IPMK: variants seen among roughly 807,000 people sequenced by gnomAD.
IPMK encodes inositol 1,3,4,6-tetrakisphosphate 5-kinase.
In IPMK, 17 loss-of-function variants were observed where a neutral mutation model predicts 45.8. The ratio of observed to expected loss-of-function variants is 0.37; its 90% CI spans 0.25 to 0.56. IPMK has a LOEUF of 0.56. Among genes scored for constraint, IPMK ranks in the 20% least tolerant of loss-of-function variants. The pLI is 0.79. For missense variants in IPMK, 399 were observed against 498.0 expected (o/e 0.80, Z 1.89); for synonymous variants, 180 against 184.3 (o/e 0.98, Z 0.19).
rs574403627 is a variant in IPMK at position 58,229,562 on chromosome 10, C to CA, written c.277-2424dup. ...TGGGCAACAGAGCGAGACCACGTCT[C>CA]AAAAAAAAAAAAAAAAAAGTAATCT... On this transcript the variant is annotated intron_variant, in intron 2 of 5. Coordinates refer to ENST00000373935, the MANE Select transcript of IPMK (RefSeq NM_152230.5). Among the ~76,000 whole-genome samples the CA allele has an allele frequency of 4.2e-3, 309 of 72,830 alleles. 4 individuals are homozygous for CA. Among genetic ancestry groups the CA allele is most frequent in the South Asian group, 0.035 (73 of 2,082 alleles). 47.8% of individuals were successfully genotyped at this position (72,830 alleles called of 152,430 possible).
chr10:58,216,271 G>A lies in IPMK; in HGVS notation c.420C>T (p.Pro140=), dbSNP rs942178469. The change falls in exon 4 of 6, where the codon CCC becomes CCT. Residue 140 remains proline, a synonymous_variant. Coordinates refer to ENST00000373935, the MANE Select transcript of IPMK (RefSeq NM_152230.5). ...LEDVTHKFNK[P]CIMDVKIGQK... The stretch of plus-strand genomic sequence containing the variant: ...GCCCTATCTTTACATCCATTATACA[G>A]GGCTTATTAAATTTATGGGTCACAT... 1 of 1,593,962 alleles carries A rather than the reference G, an allele frequency of 6.3e-7. No individual in the cohort carries two copies. The highest frequency in any genetic ancestry group is 8.5e-7 in the Non-Finnish European group (1 of 1,169,598).
At chr10:58,235,171 A>G (rs572229377) in intron 2 of IPMK, among the ~76,000 whole-genome samples, 2 of 152,206 alleles carry the variant, frequency 1.3e-5, no homozygotes, top group South Asian at 2.1e-4. Context: ...GAAACAACAG[A>G]TGCTGGAGAG....
chr10:58,245,214 G>A (rs987363601), intron 1 of IPMK, among the ~76,000 whole-genome samples: 1 of 150,484 alleles, frequency 6.6e-6, no homozygotes, highest in East Asian at 1.9e-4. Flanking sequence ...ACTTATAGGA[G>A]ATATTTAAAG....
rs370773716 is a variant in IPMK at position 58,263,431 on chromosome 10, C to A, written c.190+3991G>T. Among the ~76,000 whole-genome samples the A allele has an allele frequency of 5.9e-5, 9 of 151,580 alleles. No individual in the cohort carries two copies. The East Asian group carries it at 1.4e-3, about 23-fold the overall frequency. On this transcript the variant is annotated intron_variant, in intron 1 of 5. Coordinates refer to ENST00000373935, the MANE Select transcript of IPMK (RefSeq NM_152230.5). Reference sequence around the variant, plus strand: ...CCTAGCTACTTAAGAGGCTGAGGCACGAGAATCACTTGAACCTGGGAGGCG... The same window carrying A: ...CCTAGCTACTTAAGAGGCTGAGGCAAGAGAATCACTTGAACCTGGGAGGCG...
At chr10:58,227,476 C>T (rs1366726170) in intron 2 of IPMK, among the ~76,000 whole-genome samples, 1 of 152,182 alleles carries the variant, frequency 6.6e-6, no homozygotes, top group African/African-American at 2.4e-5. Context: ...TTCCTCCATG[C>T]ACCCTGAGAG....
intron 4 of IPMK, among the ~76,000 whole-genome samples, chr10:58,211,196 T>G (rs549243600): frequency 0.011 from 1,703 of 151,622 alleles, 26 homozygotes; most frequent in South Asian, 0.028. Flanking sequence ...CCCGGTTTTT[T>G]TTTTTTTTTT....
chr10:58,213,527 A>C (rs1461878954), intron 4 of IPMK, among the ~76,000 whole-genome samples: 1 of 152,180 alleles, frequency 6.6e-6, no homozygotes, highest in Non-Finnish European at 1.5e-5. Context: ...TACTAAAAAA[A>C]ATACTAAAAA....
intron 4 of IPMK, among the ~76,000 whole-genome samples, chr10:58,202,132 G>C (rs1838007092): frequency 6.6e-6 from 1 of 152,184 alleles, no homozygotes; most frequent in Non-Finnish European, 1.5e-5. Flanking sequence ...AGTAGTTGTA[G>C]AAGCTACAGC....
chr10:58,264,705 A>C (rs1261407342), intron 1 of IPMK, among the ~76,000 whole-genome samples: 1 of 152,196 alleles, frequency 6.6e-6, no homozygotes, highest in Non-Finnish European at 1.5e-5. Flanking sequence ...AAGTCTAAAA[A>C]TCTATGATTA....
chr10:58,221,410 G>A (rs927046121), intron 3 of IPMK, among the ~76,000 whole-genome samples: 5 of 150,968 alleles, frequency 3.3e-5, no homozygotes. Flanking sequence ...ATTAGTCAAG[G>A]TTATAGATAG....
intron 1 of IPMK, among the ~76,000 whole-genome samples, chr10:58,256,000 A>T (rs568647590): frequency 6.6e-6 from 1 of 152,288 alleles, no homozygotes; most frequent in East Asian, 1.9e-4. Context: ...TAATCCCATC[A>T]TCTTCATAAC....
At chr10:58,258,976 A>C (rs557903857) in intron 1 of IPMK, among the ~76,000 whole-genome samples, 2 of 152,358 alleles carry the variant, frequency 1.3e-5, no homozygotes, top group African/African-American at 4.8e-5. Flanking sequence ...TGATGTTTTG[A>C]GGAGACAGAG....
intron 3 of IPMK, 35 bp downstream of exon 3, chr10:58,227,008 T>C (rs1564533138): frequency 6.9e-7 from 1 of 1,454,068 alleles, no homozygotes; most frequent in East Asian, 2.3e-5. Context: ...CACTCATGAA[T>C]TAAAACTGAA....
chr10:58,242,855 G>T (rs1307330809), intron 1 of IPMK, among the ~76,000 whole-genome samples: 2 of 152,010 alleles, frequency 1.3e-5, no homozygotes, highest in Non-Finnish European at 2.9e-5. Flanking sequence ...TGGATCATGG[G>T]GACAGATATC....
At chr10:58,200,103 T>C (rs1278171113) in intron 4 of IPMK, among the ~76,000 whole-genome samples, 1 of 152,156 alleles carries the variant, frequency 6.6e-6, no homozygotes, top group Non-Finnish European at 1.5e-5. Context: ...AGTGAGATTA[T>C]AATAAAAATA....
intron 2 of IPMK, among the ~76,000 whole-genome samples, chr10:58,231,459 A>G (rs1263306566): frequency 6.6e-6 from 1 of 152,238 alleles, no homozygotes; most frequent in Admixed American, 6.5e-5. Flanking sequence ...AGGGAAGCCC[A>G]TCAGACTAAC....
chr10:58,256,996 T>C (rs968530175), intron 1 of IPMK, among the ~76,000 whole-genome samples: 3 of 152,022 alleles, frequency 2.0e-5, no homozygotes, highest in Admixed American at 2.0e-4. Flanking sequence ...GCCCAGGAGG[T>C]TGAGGCTGCT....
intron 2 of IPMK, among the ~76,000 whole-genome samples, chr10:58,232,315 G>C (rs185782857): frequency 7.8e-4 from 118 of 152,252 alleles, no homozygotes; most frequent in African/African-American, 2.8e-3. Context: ...GTTGAACTCA[G>C]CTCTACAACA....
intron 5 of IPMK, among the ~76,000 whole-genome samples, chr10:58,198,279 G>A (rs1420848476): frequency 6.6e-6 from 1 of 152,120 alleles, no homozygotes; most frequent in East Asian, 1.9e-4. Flanking sequence ...ATTGAAAATT[G>A]AGACCTTTAA....
Sources: gnomAD v4.1 joint callset for allele counts (sites outside exome capture counted in the v4.1 genomes callset) on GRCh38, gnomAD v4.1.1 for gene constraint, MANE v1.5 for transcripts, NCBI Gene and HGNC (gene_info 2026-07-23, HGNC 2026-07-21) for gene names.